Variants in IQGAP3 observed in about 807,000 individuals in gnomAD.
IQGAP3 encodes ras GTPase-activating-like protein IQGAP3.
Under a neutral mutation model 208.2 loss-of-function variants are expected in IQGAP3, and 165 were observed. The ratio of observed to expected loss-of-function variants is 0.79; its 90% CI spans 0.70 to 0.90. The LOEUF (loss-of-function observed/expected upper bound fraction) is 0.90, where lower values mean the gene tolerates loss of function less well. Ranked by LOEUF, IQGAP3 falls within the 40% of genes least tolerant of loss-of-function variation. The pLI is 0.00. For missense variants in IQGAP3, 1,811 were observed against 2,043.1 expected (o/e 0.89, Z 2.19); for synonymous variants, 703 against 803.6 (o/e 0.87, Z 2.12).
chr1:156,564,541 C>T, intron 5 of IQGAP3, 74 bp downstream of exon 5: 1 of 964,036 alleles, frequency 1.0e-6, no homozygotes, highest in South Asian at 1.3e-5. Context: ...TTCTTTCTTG[C>T]TGAGTTTGTT....
chr1:156,560,386 C>CATGG (rs1464963402), intron 11 of IQGAP3, among the ~76,000 whole-genome samples: 1 of 152,134 alleles, frequency 6.6e-6, no homozygotes, highest in Non-Finnish European at 1.5e-5. Context: ...TGGCAGGTGC[C>CATGG]TGTCAACCCA....
In IQGAP3 at chr1:156,564,643, G is replaced by A. The variant is rs777078133; in HGVS notation, c.409C>T (p.Arg137Trp). ...TDIYDKKNMPRVVYCIHALSL... is the reference protein window; with the variant it reads ...TDIYDKKNMPWVVYCIHALSL... Reference sequence around the variant, plus strand: ...AGAGCATGGATGCAGTAGACTACCCGGGGCATGTTCTTTTTGTCATAGATG... The same window carrying A: ...AGAGCATGGATGCAGTAGACTACCCAGGGCATGTTCTTTTTGTCATAGATG... Residue 137 changes from arginine (R) to tryptophan (W), a missense_variant, in exon 5 of 38, where the codon CGG (arginine) becomes TGG (tryptophan). Coordinates refer to ENST00000361170, the MANE Select transcript of IQGAP3 (RefSeq NM_178229.5). 44 of 1,613,770 alleles carry A rather than the reference G, an allele frequency of 2.7e-5. No homozygotes were observed. In the South Asian group the frequency reaches 2.9e-4, roughly 10 times the overall value.
rs561862411 is a variant in IQGAP3, at chr1:156,527,083, G to A, written c.4783-484C>T. On this transcript the variant is annotated intron_variant, in intron 37 of 37. Coordinates refer to ENST00000361170, the MANE Select transcript of IQGAP3 (RefSeq NM_178229.5). ...GCTGACCTCGTGATCCGCCCGCCTC[G>A]GCCTCCCAAAGTGCTGGGATTACAG... Among the ~76,000 whole-genome samples, 77 of 150,930 alleles carry A rather than the reference G, an allele frequency of 5.1e-4. 1 individual carries two copies. In the East Asian group the frequency reaches 0.011, roughly 22 times the overall value.
At position 156,566,464 on chromosome 1, in the gene IQGAP3, T is replaced by G. The variant is rs145944309; in HGVS notation, c.208A>C (p.Lys70Gln). The change falls in exon 3 of 38, where the codon AAG becomes CAG. Residue 70 changes from lysine (K) to glutamine (Q), a missense_variant. Physicochemically the swap from Lys to Gln is moderately conservative, Grantham distance 53. Transcript: ENST00000361170. ...ESLRNGVLLA[K>Q]LGHCFAPSVV... ...GAGGGTGCAAAACAGTGGCCTAGCT[T>G]GGCCAGCAGCACTCCATTCCGAAGG... 3.9e-5 allele frequency: 63 copies of G among 1,614,090 alleles called. 1 individual carries two copies. In the African/African-American group the frequency reaches 8.4e-4, roughly 22 times the overall value.
chr1:156,554,399 T>A lies in IQGAP3; in HGVS notation c.1291-7A>T, dbSNP rs773668482. The stretch of plus-strand genomic sequence containing the variant: ...GCTCCTCCTGGCCAAGCTCCTACAA[T>A]GGGTGGGAGGGCCAATTCCCAAGTG... On this transcript the variant is annotated splice_polypyrimidine_tract_variant and splice_region_variant and intron_variant, in intron 12 of 37. Coordinates refer to ENST00000361170, the MANE Select transcript of IQGAP3 (RefSeq NM_178229.5). 9 of 1,592,748 alleles carry A rather than the reference T, an allele frequency of 5.7e-6. No homozygotes were observed. In the East Asian group the frequency reaches 1.8e-4, roughly 32 times the overall value.
intron 26 of IQGAP3, among the ~76,000 whole-genome samples, chr1:156,538,358 C>T (rs1674808405): frequency 6.6e-6 from 1 of 152,138 alleles, no homozygotes; most frequent in South Asian, 2.1e-4. Flanking sequence ...CCACGCCTGA[C>T]CTACATTTTT....
intron 2 of IQGAP3, among the ~76,000 whole-genome samples, chr1:156,567,149 G>A (rs1384406599): frequency 6.6e-6 from 1 of 152,212 alleles, no homozygotes. Context: ...TTACAGGCAT[G>A]AGCCACCGCG....
At chr1:156,557,499 G>C (rs1308795722) in intron 11 of IQGAP3, among the ~76,000 whole-genome samples, 3 of 46,994 alleles carry the variant, frequency 6.4e-5, no homozygotes, top group African/African-American at 1.8e-4. Flanking sequence ...GCCTCTGCCC[G>C]GCTGCCCCTA....
At chr1:156,539,269 C>G in intron 25 of IQGAP3, 105 bp downstream of exon 25, 2 of 1,121,462 alleles carry the variant, frequency 1.8e-6, no homozygotes, top group South Asian at 1.5e-5. Flanking sequence ...TCTTCTGATT[C>G]CATTTCTACC....
intron 37 of IQGAP3, 147 bp downstream of exon 37, chr1:156,527,805 C>A (rs1674173572): frequency 3.3e-6 from 2 of 610,612 alleles, no homozygotes; most frequent in South Asian, 1.9e-5. Context: ...GACCCCCACC[C>A]TTCTCTTCAG....
At chr1:156,547,390 C>CAG (rs1675302876) in intron 19 of IQGAP3, among the ~76,000 whole-genome samples, 5 of 51,176 alleles carry the variant, frequency 9.8e-5, no homozygotes, top group African/African-American at 1.4e-4. Flanking sequence ...GACACACAGA[C>CAG]ACACACACAC....
At chr1:156,556,163 C>T (rs2489140) in intron 12 of IQGAP3, among the ~76,000 whole-genome samples, 1 of 152,198 alleles carries the variant, frequency 6.6e-6, no homozygotes, top group African/African-American at 2.4e-5. Context: ...CAGAGAAGAA[C>T]TATGGATTGG....
chr1:156,567,351 A>G (rs1319029998), intron 2 of IQGAP3, among the ~76,000 whole-genome samples: 1 of 152,148 alleles, frequency 6.6e-6, no homozygotes, highest in Non-Finnish European at 1.5e-5. Context: ...AAAGGGACAG[A>G]ACGACCACAG....
chr1:156,569,527 T>TC, intron 1 of IQGAP3, 64 bp from the exon 2 acceptor site: 1 of 504,108 alleles, frequency 2.0e-6, no homozygotes, highest in Non-Finnish European at 3.1e-6. Flanking sequence ...CACTGAAGGG[T>TC]CTTTTTTTTT....
chr1:156,534,038 T>C lies in IQGAP3; in HGVS notation c.3844A>G (p.Thr1282Ala), dbSNP rs1336715159. 3.7e-6 allele frequency: 6 copies of C among 1,613,782 alleles called. No individual in the cohort carries two copies. The Admixed American group carries it at 1.0e-4, about 27-fold the overall frequency. ...VAVAKPMVYI[T>A]VGELVNTHRL... ...TGCGTGTTGACCAGCTCCCCCACGG[T>C]GATGTACACCATGGGTTTGGCCACA... Residue 1282 changes from threonine to alanine, a missense_variant, in exon 30 of 38, where the codon ACC becomes GCC. Transcript: ENST00000361170.
At position 156,566,042 on chromosome 1, in the gene IQGAP3, G is replaced by A. The variant is rs1676384143; in HGVS notation, c.345C>T (p.His115=). 1 of 1,613,152 alleles carries A rather than the reference G, an allele frequency of 6.2e-7. No individual in the cohort carries two copies. The highest frequency in any genetic ancestry group is 8.5e-7 in the Non-Finnish European group (1 of 1,179,108). ...CCAGTATTACCGAAGGCAGACCGAT[G>A]TGGGCTATTGCAGATAGCCAAAAGT... The part of the protein sequence containing the change: ...NINFWLSAIA[H]IGLPSTFFPE... The change falls in exon 4 of 38, where the codon CAC becomes CAT. Residue 115 remains histidine, a synonymous_variant. Transcript: ENST00000361170.
At chr1:156,527,735 C>T (rs996654060) in intron 37 of IQGAP3, among the ~76,000 whole-genome samples, 1 of 152,218 alleles carries the variant, frequency 6.6e-6, no homozygotes, top group African/African-American at 2.4e-5. Flanking sequence ...TCCACTCTCC[C>T]TGATGCTTGC....
At chr1:156,543,881 C>A in intron 22 of IQGAP3, 100 bp downstream of exon 22, 1 of 1,008,946 alleles carries the variant, frequency 9.9e-7, no homozygotes, top group Non-Finnish European at 1.6e-6. Flanking sequence ...ACTACCTTCC[C>A]CTTACCTGCT....
chr1:156,556,504 A>G, intron 12 of IQGAP3, 29 bp downstream of exon 12: 1 of 1,613,160 alleles, frequency 6.2e-7, no homozygotes, highest in Non-Finnish European at 8.5e-7. Flanking sequence ...TGGAGACTGC[A>G]GAGCTAGACC....
Sources: gnomAD v4.1 joint callset for allele counts (sites outside exome capture counted in the v4.1 genomes callset) on GRCh38, gnomAD v4.1.1 for gene constraint, MANE v1.5 for transcripts, NCBI Gene and HGNC (gene_info 2026-07-23, HGNC 2026-07-21) for gene names.